The following MLLT3 variants were observed in gnomAD, a reference collection of about 807,000 sequenced individuals.
MLLT3 encodes the protein protein AF-9.
In MLLT3, 4 loss-of-function variants were observed where a neutral mutation model predicts 53.2. That is an observed-to-expected ratio of 0.08 (90% CI 0.04 to 0.17). The LOEUF (loss-of-function observed/expected upper bound fraction) is 0.17. MLLT3 is among the 10% of genes least tolerant of loss of function. MLLT3 has a pLI of 1.00. For synonymous variants in MLLT3, 283 were observed against 230.6 expected, an observed-to-expected ratio of 1.23 and a Z score of -2.06; for missense variants, 569 against 684.0, an observed-to-expected ratio of 0.83 and a Z score of 1.87.
At chr9:20,606,333 G>A (rs1051174806) in intron 2 of MLLT3, among the ~76,000 whole-genome samples, 1 of 151,846 alleles carries the variant, frequency 6.6e-6, no homozygotes, top group African/African-American at 2.4e-5. Flanking sequence ...TGGGGGAGGG[G>A]TGAAGGCGGA....
chr9:20,609,541 T>C (rs1820649615), intron 2 of MLLT3, among the ~76,000 whole-genome samples: 1 of 152,090 alleles, frequency 6.6e-6, no homozygotes, highest in African/African-American at 2.4e-5. Context: ...TCAAGGTCTA[T>C]TTTATGTAAA....
Position 20,345,488 on chromosome 9 carries a change from C to A in MLLT3, c.*955G>T, listed in dbSNP as rs192218719. ...CAGTTTTTTTTTTTAGAAAACAGGA[C>A]CAGAATTCTTTTTTTTTAAATGATG... On this transcript the variant is annotated 3_prime_UTR_variant, in exon 11 of 11. Transcript: ENST00000380338. 65 of 202,734 alleles carry A rather than the reference C, an allele frequency of 3.2e-4. No homozygotes were observed. Among genetic ancestry groups the A allele is most frequent in the Non-Finnish European group, 5.2e-4 (52 of 99,170 alleles). The allele number at this position is 202,734 out of a possible 1,614,324, so 12.6% of individuals were successfully genotyped here.
chr9:20,495,457 T>G (rs1825059489), intron 2 of MLLT3, among the ~76,000 whole-genome samples: 1 of 152,184 alleles, frequency 6.6e-6, no homozygotes, highest in South Asian at 2.1e-4. Context: ...CGTTCTAAGT[T>G]GTAGAAAGCT....
At chr9:20,387,066 C>T (rs921545832) in intron 5 of MLLT3, among the ~76,000 whole-genome samples, 16 of 152,204 alleles carry the variant, frequency 1.1e-4, no homozygotes, top group Admixed American at 3.3e-4. Context: ...ACAGAAAATA[C>T]GTCTTTCTTA....
At chr9:20,537,172 C>T (rs1261246455) in intron 2 of MLLT3, among the ~76,000 whole-genome samples, 1 of 152,122 alleles carries the variant, frequency 6.6e-6, no homozygotes, top group African/African-American at 2.4e-5. Context: ...AAATATTATA[C>T]ATTCTGAAAT....
At chr9:20,415,396 A>G (rs1822845310) in intron 4 of MLLT3, 1 of 841,534 alleles carries the variant, frequency 1.2e-6, no homozygotes, top group Non-Finnish European at 1.4e-6. Context: ...ACCTATATAT[A>G]ATCTTTCTGT....
rs1026000689 is a variant in MLLT3 at position 20,473,721 on chromosome 9, T to TA, written c.194-16936dup. On this transcript the variant is annotated intron_variant, in intron 2 of 10. Transcript: ENST00000380338. ...TAATGTCACTGCTATGAAAACCATT[T>TA]AAAAAAAAGCAAAAGACAACAAAAA... 1.2e-3 allele frequency among the ~76,000 whole-genome samples: 188 copies of TA among 151,640 alleles called. 2 individuals are homozygous for TA. Among genetic ancestry groups the TA allele is most frequent in the African/African-American group, 4.4e-3 (182 of 41,338 alleles).
At chr9:20,440,976 G>A (rs61562320) in intron 4 of MLLT3, among the ~76,000 whole-genome samples, 2 of 152,104 alleles carry the variant, frequency 1.3e-5, no homozygotes, top group African/African-American at 4.8e-5. Context: ...CTGCTACTTC[G>A]GGGAGGTCTG....
At chr9:20,418,031 A>G (rs1822916157) in intron 4 of MLLT3, among the ~76,000 whole-genome samples, 2 of 152,168 alleles carry the variant, frequency 1.3e-5, no homozygotes, top group Admixed American at 1.3e-4. Flanking sequence ...AGATTTTCAG[A>G]TCAATCATAT....
chr9:20,449,508 C>G (rs1026867903), intron 3 of MLLT3, among the ~76,000 whole-genome samples: 1 of 152,190 alleles, frequency 6.6e-6, no homozygotes, highest in African/African-American at 2.4e-5. Context: ...ATAATGACAT[C>G]TCATTTAATT....
chr9:20,398,367 A>G (rs1822373124), intron 5 of MLLT3, among the ~76,000 whole-genome samples: 1 of 152,102 alleles, frequency 6.6e-6, no homozygotes, highest in Admixed American at 6.6e-5. Flanking sequence ...CATGAGCTAC[A>G]TGGCTACAAT....
intron 2 of MLLT3, among the ~76,000 whole-genome samples, chr9:20,576,587 G>A (rs1011004730): frequency 5.9e-5 from 9 of 152,102 alleles, no homozygotes; most frequent in Admixed American, 5.2e-4. Flanking sequence ...TGGAGCAGTG[G>A]AGCAGTCAGA....
chr9:20,379,683 T>C (rs1821858997), intron 5 of MLLT3, among the ~76,000 whole-genome samples: 1 of 152,092 alleles, frequency 6.6e-6, no homozygotes, highest in South Asian at 2.1e-4. Flanking sequence ...TTTCAGCATC[T>C]AATTCCTAAC....
At chr9:20,536,896 A>G (rs533159615) in intron 2 of MLLT3, among the ~76,000 whole-genome samples, 2 of 152,234 alleles carry the variant, frequency 1.3e-5, no homozygotes, top group South Asian at 4.1e-4. Flanking sequence ...TGCAGAAAAC[A>G]TAAGCACTAC....
At chr9:20,565,807 C>T (rs942694125) in intron 2 of MLLT3, among the ~76,000 whole-genome samples, 10 of 149,948 alleles carry the variant, frequency 6.7e-5, no homozygotes, top group African/African-American at 2.5e-4. Context: ...AAACCCTGAA[C>T]ATAAAAAGCT....
chr9:20,392,615 G>A (rs1822216291), intron 5 of MLLT3, among the ~76,000 whole-genome samples: 1 of 152,068 alleles, frequency 6.6e-6, no homozygotes, highest in Non-Finnish European at 1.5e-5. Context: ...TCTACTCGAT[G>A]AGAATTTTTT....
chr9:20,539,241 G>C (rs903480814), intron 2 of MLLT3, among the ~76,000 whole-genome samples: 3 of 152,206 alleles, frequency 2.0e-5, no homozygotes, highest in African/African-American at 7.2e-5. Flanking sequence ...CCAAATTGGA[G>C]TCAATCGTCT....
chr9:20,506,337 G>A (rs985099180), intron 2 of MLLT3, among the ~76,000 whole-genome samples: 3 of 152,118 alleles, frequency 2.0e-5, no homozygotes, highest in Non-Finnish European at 2.9e-5. Flanking sequence ...CACCGTGCCC[G>A]GCCCCTGCTT....
At chr9:20,586,149 T>A (rs1243140574) in intron 2 of MLLT3, among the ~76,000 whole-genome samples, 2 of 151,828 alleles carry the variant, frequency 1.3e-5, no homozygotes, top group Non-Finnish European at 2.9e-5. Context: ...AGGCTTCATC[T>A]CTACAAAAAA....
Sources: allele counts gnomAD v4.1 joint callset (sites outside exome capture counted in the v4.1 genomes callset), GRCh38; gene constraint gnomAD v4.1.1; transcripts MANE v1.5; gene names NCBI Gene and HGNC (gene_info 2026-07-23, HGNC 2026-07-21).